The following LIPA variants were observed in gnomAD, a reference collection of about 807,000 sequenced individuals.
The protein encoded by LIPA is lysosomal acid lipase/cholesteryl ester hydrolase.
In LIPA, 26 loss-of-function variants were observed where a neutral mutation model predicts 40.6. The observed-to-expected ratio is 0.64, with a 90% CI of 0.47 to 0.89. The LOEUF (loss-of-function observed/expected upper bound fraction) is 0.89. LIPA is among the 40% of genes least tolerant of loss of function. The pLI is 0.00. For synonymous variants in LIPA, 188 were observed against 168.4 expected (o/e 1.12, Z -0.90); for missense variants, 455 against 479.6 (o/e 0.95, Z 0.48).
chr10:89,331,943 T>G (rs1286653587), intron 1 of LIPA, among the ~76,000 whole-genome samples: 1 of 151,020 alleles, frequency 6.6e-6, no homozygotes, highest in East Asian at 2.0e-4. Flanking sequence ...AAAGACTAGG[T>G]TGTCTGAGGC....
At chr10:89,287,352 G>A (rs1843346250) in intron 1 of LIPA, among the ~76,000 whole-genome samples, 2 of 152,138 alleles carry the variant, frequency 1.3e-5, no homozygotes. Context: ...TGACGGCCAG[G>A]CTTCTAAACC....
intron 2 of LIPA, chr10:89,392,617 AAACGT>A: frequency 1.5e-6 from 2 of 1,365,652 alleles, no homozygotes; most frequent in Non-Finnish European, 2.1e-6. Flanking sequence ...CTTGGGGTTT[AAACGT>A]AACTGAAAAT....
chr10:89,384,695 A>G, intron 2 of LIPA: 1 of 1,614,152 alleles, frequency 6.2e-7, no homozygotes, highest in Non-Finnish European at 8.5e-7. Context: ...CTGTGCTATG[A>G]GAGGGCTCTG....
chr10:89,356,557 T>A (rs1324224194), intron 2 of LIPA, among the ~76,000 whole-genome samples: 1 of 152,160 alleles, frequency 6.6e-6, no homozygotes, highest in East Asian at 1.9e-4. Context: ...CTGCATCCGA[T>A]GAACCTAGGT....
intron 1 of LIPA, among the ~76,000 whole-genome samples, chr10:89,266,738 G>T (rs1016206201): frequency 6.6e-6 from 1 of 152,184 alleles, no homozygotes; most frequent in Non-Finnish European, 1.5e-5. Flanking sequence ...ATTAAAGAGG[G>T]TCTACCAAGT....
intron 1 of LIPA, among the ~76,000 whole-genome samples, chr10:89,267,729 TAAAA>T (rs56037485): frequency 2.5e-5 from 3 of 121,712 alleles, no homozygotes; most frequent in South Asian, 2.6e-4. Flanking sequence ...TAAAGTATAA[TAAAA>T]AAAAAAAAAG....
At chr10:89,293,180 T>C (rs563227397) in intron 1 of LIPA, among the ~76,000 whole-genome samples, 1 of 152,290 alleles carries the variant, frequency 6.6e-6, no homozygotes, top group African/African-American at 2.4e-5. Context: ...ATCTGACATT[T>C]CCTCTGCTTA....
In LIPA at chr10:89,403,045, C is replaced by T. The variant is rs375161224; in HGVS notation, c.61+9746G>A. 14 of 1,614,104 alleles carry T rather than the reference C, an allele frequency of 8.7e-6. No homozygotes were observed. In the African/African-American group the frequency reaches 1.5e-4, roughly 17 times the overall value. On this transcript the variant is annotated intron_variant, in intron 2 of 8. Transcript: ENST00000371837. Reference sequence around the variant, plus strand: ...TCACAGACCTATGTCTTTCGATATGCAGCCAAGTTTTACCGAAGAAAAGGC... The same window carrying T: ...TCACAGACCTATGTCTTTCGATATGTAGCCAAGTTTTACCGAAGAAAAGGC...
intron 1 of LIPA, among the ~76,000 whole-genome samples, chr10:89,274,127 G>C (rs1843278618): frequency 6.6e-6 from 1 of 152,182 alleles, no homozygotes; most frequent in South Asian, 2.1e-4. Context: ...GAGTTTGTGT[G>C]CCAGTGGCCC....
intron 3 of LIPA, among the ~76,000 whole-genome samples, chr10:89,232,738 T>C (rs899304323): frequency 2.0e-5 from 3 of 152,230 alleles, no homozygotes; most frequent in African/African-American, 7.2e-5. Flanking sequence ...CGATGGAGAA[T>C]GTTTAAAATT....
In LIPA at chr10:89,338,565, C is replaced by T. The variant is rs548294402; in HGVS notation, c.-2+4046G>A. On this transcript the variant is annotated intron_variant, in intron 1 of 5. Coordinates refer to the LIPA transcript ENST00000282673. Reference sequence around the variant, plus strand: ...AATGTTGGACCAAATATCTGGGCATCCTGTGGCCCAGTTCAATTGACATAT... The same window carrying T: ...AATGTTGGACCAAATATCTGGGCATTCTGTGGCCCAGTTCAATTGACATAT... 97 of 1,187,978 alleles carry T rather than the reference C, an allele frequency of 8.2e-5. 2 individuals are homozygous for T. The South Asian group carries it at 1.4e-3, about 17-fold the overall frequency. The allele number at this position is 1,187,978 out of a possible 1,614,324, so 73.6% of individuals were successfully genotyped here. A position where few individuals can be genotyped will look rare whatever the true frequency, so the allele number is the denominator to read the frequency against.
At chr10:89,316,873 G>C (rs574023797) in intron 1 of LIPA, among the ~76,000 whole-genome samples, 3 of 152,362 alleles carry the variant, frequency 2.0e-5, no homozygotes, top group African/African-American at 7.2e-5. Context: ...CCTCTGCGAT[G>C]AAGCTTCCAG....
At chr10:89,225,005 GC>G in intron 6 of LIPA, 86 bp downstream of exon 6, 2 of 1,457,204 alleles carry the variant, frequency 1.4e-6, no homozygotes, top group Admixed American at 3.3e-5. Context: ...GGGGAGGAAG[GC>G]ACAGATTATC....
At chr10:89,394,602 A>T (rs865916137) in intron 2 of LIPA, among the ~76,000 whole-genome samples, 4,499 of 32,432 alleles carry the variant, frequency 0.14, 443 homozygotes, top group African/African-American at 0.41. Context: ...ATATATATAT[A>T]TATATATATA....
chr10:89,330,207 G>T (rs144504142), intron 1 of LIPA, among the ~76,000 whole-genome samples: 1 of 152,266 alleles, frequency 6.6e-6, no homozygotes, highest in East Asian at 1.9e-4. Context: ...CACGTTTTAC[G>T]CATGACCTCA....
At chr10:89,250,271 G>A (rs934908153) in intron 1 of LIPA, among the ~76,000 whole-genome samples, 1 of 151,262 alleles carries the variant, frequency 6.6e-6, no homozygotes, top group African/African-American at 2.4e-5. Context: ...GGCTAATTTT[G>A]TTTTTGTATT....
At chr10:89,282,627 C>A (rs184940263) in intron 1 of LIPA, among the ~76,000 whole-genome samples, 1 of 151,374 alleles carries the variant, frequency 6.6e-6, no homozygotes, top group Non-Finnish European at 1.5e-5. Flanking sequence ...GTAACAAGAG[C>A]GAAACTCCGT....
At chr10:89,351,130 G>A (rs1355341332) in intron 2 of LIPA, among the ~76,000 whole-genome samples, 1 of 152,112 alleles carries the variant, frequency 6.6e-6, no homozygotes, top group Non-Finnish European at 1.5e-5. Context: ...AGCCTGGGCA[G>A]CATGACAAAA....
chr10:89,375,162 T>C (rs1844113126), intron 2 of LIPA, among the ~76,000 whole-genome samples: 1 of 152,232 alleles, frequency 6.6e-6, no homozygotes, highest in Non-Finnish European at 1.5e-5. Context: ...CCACTTCATC[T>C]CAACATAACC....
Sources: gnomAD v4.1 joint callset for allele counts (sites outside exome capture counted in the v4.1 genomes callset) on GRCh38, gnomAD v4.1.1 for gene constraint, MANE v1.5 for transcripts, NCBI Gene and HGNC (gene_info 2026-07-23, HGNC 2026-07-21) for gene names.